HUWE1: variants seen among roughly 807,000 people sequenced by gnomAD.
The protein encoded by HUWE1 is HECT, UBA and WWE domain containing E3 ubiquitin protein ligase 1, also known as E3 ubiquitin-protein ligase HUWE1.
A neutral mutation model predicts 299.4 loss-of-function variants in HUWE1; 18 were observed. That is an observed-to-expected ratio of 0.06 (90% CI 0.04 to 0.09). The LOEUF is 0.09. HUWE1 is among the 10% of genes least tolerant of loss of function. The pLI is 1.00. For missense variants in HUWE1, 1,832 were observed against 3,462.3 expected (o/e 0.53, Z 11.82); for synonymous variants, 1,317 against 1,286.1 (o/e 1.02, Z -0.51).
rs782495073 is a variant in HUWE1, at chrX:53,559,433, G to A, written c.7836C>T (p.Asp2612=). ...GRARLLVGND[D]VHIIARSDDE... ...CATCAGAACGGGCGATGATGTGGAC[G>A]TCATCGTTGCCTACCAGGAGGCGGG... is the stretch of plus-strand genomic sequence containing the variant. The change falls in exon 57 of 84, where the codon GAC becomes GAT. Residue 2612 remains aspartate, a synonymous_variant. Coordinates refer to ENST00000262854, the MANE Select transcript of HUWE1 (RefSeq NM_031407.7). The A allele has an allele frequency of 5.8e-6, 7 of 1,207,796 alleles. No homozygotes were observed. The Admixed American group carries it at 6.6e-5, about 11-fold the overall frequency.
intron 3 of HUWE1, among the ~76,000 whole-genome samples, chrX:53,661,747 T>C (rs2069014473): frequency 1.8e-5 from 2 of 112,032 alleles, no homozygotes; most frequent in Admixed American, 1.9e-4. Flanking sequence ...AACAAGTGAA[T>C]TACTATGAAT....
chrX:53,534,270 A>C, intron 82 of HUWE1, 73 bp from the exon 83 acceptor site: 1 of 937,583 alleles, frequency 1.1e-6, no homozygotes, highest in Non-Finnish European at 1.5e-6. Context: ...GATGGAATCT[A>C]GGAAACAGGA....
intron 34 of HUWE1, 122 bp downstream of exon 34, chrX:53,590,878 A>G: frequency 1.2e-6 from 1 of 839,299 alleles, no homozygotes; most frequent in South Asian, 2.1e-5. Flanking sequence ...ACTGGCATGG[A>G]CATGTCTGAA....
chrX:53,614,602 C>T lies in HUWE1; in HGVS notation c.2193G>A (p.Glu731=). The change falls in exon 23 of 84, where the codon GAG becomes GAA. Residue 731 remains glutamate (E), a synonymous_variant. Transcript: ENST00000262854. ...TCTGCATGGCCTGTACTTCCTCTTC[C>T]TCCTCATCCTCACTAGAGGCTTCTT... ...AAEEASSEDE[E]EEEVQAMQSF... 8.3e-7 allele frequency: 1 copy of T among 1,210,369 alleles called. No homozygotes were observed. The highest frequency in any genetic ancestry group is 1.1e-6 in the Non-Finnish European group (1 of 894,316).
chrX:53,628,724 G>C, intron 14 of HUWE1, 28 bp downstream of exon 14: 1 of 1,209,991 alleles, frequency 8.3e-7, no homozygotes, highest in Non-Finnish European at 1.1e-6. Context: ...GTTTCTTCTT[G>C]CCTAAGATAA....
intron 57 of HUWE1, 94 bp downstream of exon 57, chrX:53,559,260 G>T: frequency 2.0e-6 from 2 of 1,018,154 alleles, no homozygotes; most frequent in Non-Finnish European, 1.4e-6. Flanking sequence ...TAAAATGGGG[G>T]TTTTCTATAG....
chrX:53,678,872 A>G (rs1188688225), intron 3 of HUWE1, among the ~76,000 whole-genome samples: 1 of 112,462 alleles, frequency 8.9e-6, no homozygotes, highest in African/African-American at 3.2e-5. Flanking sequence ...TTCCACCAGG[A>G]GGCCTACTTT....
At chrX:53,568,259 C>G (rs919370484) in intron 49 of HUWE1, among the ~76,000 whole-genome samples, 1 of 110,734 alleles carries the variant, frequency 9.0e-6, no homozygotes, top group East Asian at 2.8e-4. Context: ...AACGAAAATG[C>G]CCCAAATTTC....
intron 48 of HUWE1, 27 bp downstream of exon 48, chrX:53,569,589 T>C (rs1374006246): frequency 1.7e-6 from 2 of 1,182,489 alleles, no homozygotes; most frequent in Non-Finnish European, 2.3e-6. Context: ...TCTTGGCTAT[T>C]AGCCCTGGGA....
At chrX:53,561,684 A>G (rs782147955) in intron 55 of HUWE1, 72 bp downstream of exon 55, 2 of 1,200,383 alleles carry the variant, frequency 1.7e-6, no homozygotes, top group South Asian at 1.8e-5. Context: ...GGTTTGGTCC[A>G]CTGCTTGGCT....
At chrX:53,540,530 T>C (rs782376149) in intron 74 of HUWE1, among the ~76,000 whole-genome samples, 145 of 111,898 alleles carry the variant, frequency 1.3e-3, no homozygotes, top group Non-Finnish European at 2.1e-3. Context: ...GGTTTCACCA[T>C]GTTGGTCAGG....
intron 42 of HUWE1, 85 bp from the exon 43 acceptor site, chrX:53,581,111 C>T: frequency 1.2e-6 from 1 of 818,475 alleles, no homozygotes; most frequent in Non-Finnish European, 1.7e-6. Context: ...AGACTAAAAG[C>T]TTTTGATTTT....
chrX:53,592,860 C>A (rs1398194878), intron 32 of HUWE1, among the ~76,000 whole-genome samples: 8 of 111,489 alleles, frequency 7.2e-5, no homozygotes, highest in Non-Finnish European at 1.3e-4. Flanking sequence ...AATTGTAATC[C>A]CCAATGCTGG....
chrX:53,569,939 GATT>G, intron 47 of HUWE1, 112 bp from the exon 48 acceptor site: 1 of 640,337 alleles, frequency 1.6e-6, no homozygotes, highest in Middle Eastern at 3.1e-4. Flanking sequence ...CCCAATGAGT[GATT>G]ATTAGGTCCA....
chrX:53,595,118 T>A lies in HUWE1; in HGVS notation c.3380+69A>T, dbSNP rs1244413. 0.45 allele frequency: 410,822 copies of A among 922,135 alleles called. 66,743 individuals are homozygous for A. The highest frequency in any genetic ancestry group is 0.51 in the South Asian group (25,008 of 48,650). 76.0% of individuals were successfully genotyped at this position (922,135 alleles called of 1,213,427 possible). On this transcript the variant is annotated intron_variant, in intron 30 of 83. Coordinates refer to ENST00000262854, the MANE Select transcript of HUWE1 (RefSeq NM_031407.7). ...TCAGTGGCTCACACTCCATTTTAAG[T>A]AGTATAGGAACAACTTACATATTTT...
intron 43 of HUWE1, among the ~76,000 whole-genome samples, chrX:53,577,522 C>CCTCCCT (rs2063188133): frequency 1.2e-5 from 1 of 80,726 alleles, no homozygotes; most frequent in African/African-American, 4.6e-5. Flanking sequence ...TCTCCCTCTC[C>CCTCCCT]CTCCCTCTCC....
chrX:53,678,146 C>T (rs2069927648), intron 3 of HUWE1, among the ~76,000 whole-genome samples: 1 of 112,003 alleles, frequency 8.9e-6, no homozygotes, highest in South Asian at 3.7e-4. Flanking sequence ...TTCTATGCCA[C>T]CAACTGTAAT....
chrX:53,569,662 G>A lies in HUWE1; in HGVS notation c.6478C>T (p.Leu2160Phe). ...VALVNEVKAA[L>F]GRALAMAEST... ...TCAGCCATAGCCAGTGCCCGTCCAAGGGCTGCTTTTACTTCATTCACTAGG... is the reference window on the plus strand; with the variant it reads ...TCAGCCATAGCCAGTGCCCGTCCAAAGGCTGCTTTTACTTCATTCACTAGG... The change falls in exon 48 of 84, where the codon CTT (leucine) becomes TTT (phenylalanine). Residue 2160 changes from leucine (L) to phenylalanine (F), a missense_variant. Leu to Phe is a conservative substitution (Grantham distance 22, BLOSUM62 0). Transcript: ENST00000262854. 8.3e-7 allele frequency: 1 copy of A among 1,212,047 alleles called. No individual in the cohort carries two copies. Among genetic ancestry groups the A allele is most frequent in the Non-Finnish European group, 1.1e-6 (1 of 895,511 alleles).
chrX:53,537,037 G>A (rs782214930), intron 78 of HUWE1, among the ~76,000 whole-genome samples: 1 of 112,034 alleles, frequency 8.9e-6, no homozygotes, highest in African/African-American at 3.2e-5. Context: ...GAAGAACATG[G>A]CATACAGTCT....
Sources: gnomAD v4.1 joint callset for allele counts (sites outside exome capture counted in the v4.1 genomes callset) on GRCh38, gnomAD v4.1.1 for gene constraint, MANE v1.5 for transcripts, NCBI Gene and HGNC (gene_info 2026-07-23, HGNC 2026-07-21) for gene names.